P3H2: variants seen among roughly 807,000 people sequenced by gnomAD.
P3H2 encodes leprecan-like 1.
P3H2 carries 80 observed loss-of-function variants against 87.0 expected under a neutral mutation model. The observed-to-expected ratio is 0.92, with a 90% CI of 0.77 to 1.11. The LOEUF (loss-of-function observed/expected upper bound fraction) is 1.11. Among genes scored for constraint, P3H2 ranks in the 50% least tolerant of loss-of-function variants. The pLI, the probability that P3H2 is intolerant of heterozygous loss-of-function variation, is 0.00. For missense variants in P3H2, 1,001 were observed against 923.9 expected (o/e 1.08, Z -1.08); for synonymous variants, 367 against 359.3 (o/e 1.02, Z -0.24).
At chr3:189,969,717 T>C in intron 13 of P3H2, 2 of 1,466,960 alleles carry the variant, frequency 1.4e-6, no homozygotes, top group Non-Finnish European at 1.9e-6. Flanking sequence ...TTTTTTATCT[T>C]CCCCAAAATT....
intron 1 of P3H2, among the ~76,000 whole-genome samples, chr3:190,103,018 G>A (rs1229762199): frequency 1.3e-5 from 2 of 152,048 alleles, no homozygotes; most frequent in Non-Finnish European, 2.9e-5. Context: ...TTAAAATTAA[G>A]GTATGTACAT....
intron 1 of P3H2, among the ~76,000 whole-genome samples, chr3:190,071,970 GA>G (rs1259708089): frequency 7.0e-6 from 1 of 143,286 alleles, no homozygotes; most frequent in Non-Finnish European, 1.5e-5. Flanking sequence ...ATTAAAACAA[GA>G]TGAAGGGTTT....
chr3:190,019,950 T>A (rs1438772996), intron 1 of P3H2, among the ~76,000 whole-genome samples: 2 of 131,004 alleles, frequency 1.5e-5, no homozygotes. Flanking sequence ...TCAGTGGATA[T>A]AAATAATAAT....
chr3:190,004,323 C>A (rs1724311153), intron 1 of P3H2, among the ~76,000 whole-genome samples: 1 of 152,172 alleles, frequency 6.6e-6, no homozygotes, highest in South Asian at 2.1e-4. Flanking sequence ...TACTTCAGGA[C>A]CAGCGCAGAA....
intron 1 of P3H2, among the ~76,000 whole-genome samples, chr3:190,044,920 T>C (rs896872485): frequency 2.6e-5 from 4 of 152,324 alleles, no homozygotes; most frequent in African/African-American, 9.6e-5. Flanking sequence ...TTAATATAGA[T>C]ACAACTTCTC....
chr3:190,052,636 T>C lies in P3H2; in HGVS notation c.481-57194A>G, dbSNP rs1726018332. 3.3e-5 allele frequency among the ~76,000 whole-genome samples: 5 copies of C among 152,062 alleles called. No individual in the cohort carries two copies. The South Asian group carries it at 1.0e-3, about 32-fold the overall frequency. ...GGTTATTACCGTGTCTAAGAACATA[T>C]TGCTGTGTGTTTATGTGTATATAAG... On this transcript the variant is annotated intron_variant, in intron 1 of 14. Transcript: ENST00000319332.
intron 8 of P3H2, among the ~76,000 whole-genome samples, chr3:189,976,716 GA>G (rs1474876854): frequency 1.3e-5 from 2 of 152,122 alleles, no homozygotes; most frequent in East Asian, 3.8e-4. Flanking sequence ...TTGAACTGTG[GA>G]ATCCCATGAC....
chr3:189,986,681 A>T (rs1309043140), intron 6 of P3H2, 107 bp downstream of exon 6: 2 of 808,770 alleles, frequency 2.5e-6, no homozygotes, highest in Non-Finnish European at 4.3e-6. Flanking sequence ...AGGGCATCGA[A>T]ATCTTAGCTT....
chr3:189,978,734 AG>A (rs1295271653), intron 8 of P3H2, among the ~76,000 whole-genome samples: 1 of 152,166 alleles, frequency 6.6e-6, no homozygotes. Flanking sequence ...TCAACAGGCA[AG>A]TCAACCAGCC....
Position 190,109,929 on chromosome 3 carries a change from G to A in P3H2, c.480+10323C>T, listed in dbSNP as rs569568451. 1.8e-4 allele frequency among the ~76,000 whole-genome samples: 27 copies of A among 146,796 alleles called. 1 individual carries two copies. The highest frequency in any genetic ancestry group is 8.9e-5 in the Non-Finnish European group (6 of 67,302). ...AGTGGCGTGATCTCAGCTCACTGCA[G>A]CCTCTCCCTCCCAGGTTCAAGCAAT... On this transcript the variant is annotated intron_variant, in intron 1 of 14. Coordinates refer to ENST00000319332, the MANE Select transcript of P3H2 (RefSeq NM_018192.4).
chr3:189,973,879 A>G (rs751719114), intron 10 of P3H2, 30 bp downstream of exon 10: 1 of 1,537,080 alleles, frequency 6.5e-7, no homozygotes, highest in South Asian at 1.1e-5. Flanking sequence ...ACACTAAGGA[A>G]CTCAAACCCA....
chr3:189,983,408 G>T, intron 7 of P3H2: 1 of 411,574 alleles, frequency 2.4e-6, no homozygotes, highest in Admixed American at 3.8e-5. Flanking sequence ...CTTCAGATTA[G>T]ACTCTAATCT....
intron 1 of P3H2, among the ~76,000 whole-genome samples, chr3:190,021,706 C>T (rs1054571983): frequency 2.2e-5 from 3 of 134,584 alleles, no homozygotes. Flanking sequence ...ATCCTTCCAT[C>T]CATCTTCCCA....
intron 1 of P3H2, among the ~76,000 whole-genome samples, chr3:190,096,439 T>G (rs1727589241): frequency 6.6e-6 from 1 of 150,988 alleles, no homozygotes; most frequent in African/African-American, 2.5e-5. Context: ...TTGCTTCCCA[T>G]TTGCCTTTCA....
At chr3:190,081,822 C>T (rs1212426530) in intron 1 of P3H2, among the ~76,000 whole-genome samples, 4 of 152,138 alleles carry the variant, frequency 2.6e-5, no homozygotes, top group African/African-American at 7.2e-5. Flanking sequence ...AGGGCTGGGG[C>T]TGTAGGATGA....
At chr3:189,991,361 C>A (rs1723872011) in intron 3 of P3H2, among the ~76,000 whole-genome samples, 3 of 152,108 alleles carry the variant, frequency 2.0e-5, no homozygotes, top group African/African-American at 7.2e-5. Context: ...GATAGCTATA[C>A]CCTAATTGTC....
chr3:190,102,561 T>C (rs1254567739), intron 1 of P3H2, among the ~76,000 whole-genome samples: 1 of 152,200 alleles, frequency 6.6e-6, no homozygotes, highest in Non-Finnish European at 1.5e-5. Flanking sequence ...TGAAATCTTA[T>C]AATAAAACTC....
At chr3:189,960,905 A>C (rs1353385996) in intron 14 of P3H2, among the ~76,000 whole-genome samples, 1 of 152,216 alleles carries the variant, frequency 6.6e-6, no homozygotes, top group African/African-American at 2.4e-5. Context: ...TCTAAATAAA[A>C]AGCCCAAGTA....
chr3:190,109,104 C>G (rs763696623), intron 1 of P3H2, among the ~76,000 whole-genome samples: 3 of 152,168 alleles, frequency 2.0e-5, no homozygotes, highest in Non-Finnish European at 2.9e-5. Flanking sequence ...TCCTAGTTTT[C>G]TTTCGTGAGA....
Sources: gnomAD v4.1 joint callset for allele counts (sites outside exome capture counted in the v4.1 genomes callset) on GRCh38, gnomAD v4.1.1 for gene constraint, MANE v1.5 for transcripts, NCBI Gene and HGNC (gene_info 2026-07-23, HGNC 2026-07-21) for gene names.